XKR9: variants seen among roughly 807,000 people sequenced by gnomAD.
XKR9 encodes XK related 9.
A neutral mutation model predicts 32.0 loss-of-function variants in XKR9; 32 were observed. The observed-to-expected ratio is 1.00, with a 90% CI of 0.76 to 1.34. The LOEUF (loss-of-function observed/expected upper bound fraction) is 1.34. Ranked by LOEUF, XKR9 falls within the 40% of genes most tolerant of loss-of-function variation. The pLI is 0.00. For missense variants in XKR9, 546 were observed against 429.7 expected (o/e 1.27, Z -2.39); for synonymous variants, 168 against 143.4 (o/e 1.17, Z -1.22).
the XKR9 span, among the ~76,000 whole-genome samples, chr8:70,859,800 A>G: frequency 6.6e-6 from 1 of 152,116 alleles, no homozygotes; most frequent in Non-Finnish European, 1.5e-5. Context: ...TCATGGAGGT[A>G]GATAGTAGAA....
intron 2 of XKR9, among the ~76,000 whole-genome samples, chr8:70,764,464 G>T (rs1477544601): frequency 2.6e-5 from 4 of 152,088 alleles, no homozygotes; most frequent in Non-Finnish European, 5.9e-5. Flanking sequence ...AAGTGCACTG[G>T]CAAAGAAAAG....
chr8:71,002,624 A>C, the XKR9 span, among the ~76,000 whole-genome samples: 2 of 152,214 alleles, frequency 1.3e-5, no homozygotes, highest in Admixed American at 6.5e-5. Context: ...CAATAAAAAC[A>C]CACTTGCCTT....
At chr8:70,991,753 C>CA in the XKR9 span, among the ~76,000 whole-genome samples, 2 of 152,174 alleles carry the variant, frequency 1.3e-5, no homozygotes, top group African/African-American at 4.8e-5. Flanking sequence ...CTAGAAGACC[C>CA]TGCTATACAG....
At chr8:70,979,564 C>T in the XKR9 span, among the ~76,000 whole-genome samples, 78 of 152,298 alleles carry the variant, frequency 5.1e-4, no homozygotes, top group African/African-American at 1.7e-3. Flanking sequence ...GTATCTCCAG[C>T]GGAGGCTGTA....
the XKR9 span, among the ~76,000 whole-genome samples, chr8:71,015,079 T>G: frequency 6.6e-6 from 1 of 152,176 alleles, no homozygotes; most frequent in African/African-American, 2.4e-5. Flanking sequence ...TGGAAAAGCA[T>G]GAAAACTTGC....
the XKR9 span, among the ~76,000 whole-genome samples, chr8:70,898,009 C>T: frequency 6.6e-6 from 1 of 152,104 alleles, no homozygotes; most frequent in Non-Finnish European, 1.5e-5. Context: ...TGAAGCTTTT[C>T]CCCAATGTTT....
chr8:70,848,153 A>G, the XKR9 span, among the ~76,000 whole-genome samples: 1 of 152,138 alleles, frequency 6.6e-6, no homozygotes, highest in African/African-American at 2.4e-5. Flanking sequence ...GGATGCAAGG[A>G]TGGTTCAACA....
chr8:70,724,965 C>T (rs1443432929), intron 4 of XKR9, among the ~76,000 whole-genome samples: 1 of 152,176 alleles, frequency 6.6e-6, no homozygotes, highest in East Asian at 1.9e-4. Context: ...TTAATCGACT[C>T]ACAGTTCTGC....
the XKR9 span, among the ~76,000 whole-genome samples, chr8:70,940,256 C>A: frequency 6.6e-6 from 1 of 152,034 alleles, no homozygotes; most frequent in East Asian, 1.9e-4. Flanking sequence ...TGTATGTTGC[C>A]ACCGACAGGG....
the XKR9 span, among the ~76,000 whole-genome samples, chr8:70,808,677 A>C: frequency 6.6e-6 from 1 of 152,192 alleles, no homozygotes; most frequent in African/African-American, 2.4e-5. Context: ...AGGGTCCTAC[A>C]CCCACGGAGC....
chr8:70,742,732 G>C (rs1352732219), intron 2 of XKR9, among the ~76,000 whole-genome samples: 2 of 151,772 alleles, frequency 1.3e-5, no homozygotes, highest in Non-Finnish European at 2.9e-5. Flanking sequence ...CTCCACTATT[G>C]TCTGGTCTCC....
the XKR9 span, among the ~76,000 whole-genome samples, chr8:70,914,085 G>A: frequency 6.6e-6 from 1 of 152,160 alleles, no homozygotes; most frequent in East Asian, 1.9e-4. Flanking sequence ...TGTTTTTAAA[G>A]ATAGAGTCTC....
chr8:70,915,516 T>A, the XKR9 span, among the ~76,000 whole-genome samples: 1 of 152,162 alleles, frequency 6.6e-6, no homozygotes, highest in Non-Finnish European at 1.5e-5. Context: ...ATTGTCATGA[T>A]TTTTCTATGT....
At chr8:70,676,112 G>A (rs190699100) in intron 2 of XKR9, among the ~76,000 whole-genome samples, 19 of 152,296 alleles carry the variant, frequency 1.2e-4, no homozygotes, top group African/African-American at 4.1e-4. Flanking sequence ...GAGGCCTCAG[G>A]AAGCTTACAA....
chr8:70,990,760 A>AGG, the XKR9 span, among the ~76,000 whole-genome samples: 24 of 151,734 alleles, frequency 1.6e-4, no homozygotes, highest in African/African-American at 5.6e-4. Flanking sequence ...AGAGAGAGAG[A>AGG]GAGAGAGAAA....
the XKR9 span, among the ~76,000 whole-genome samples, chr8:70,803,962 G>A: frequency 7.9e-5 from 12 of 152,322 alleles, no homozygotes; most frequent in East Asian, 2.3e-3. Context: ...GATAGGTGGG[G>A]TGATTCCCAC....
the XKR9 span, among the ~76,000 whole-genome samples, chr8:70,885,012 A>C: frequency 2.0e-5 from 3 of 152,322 alleles, no homozygotes; most frequent in African/African-American, 7.2e-5. Flanking sequence ...ATGAACATGG[A>C]ATAACTCTCC....
At chr8:70,872,860 A>G in the XKR9 span, among the ~76,000 whole-genome samples, 577 of 152,248 alleles carry the variant, frequency 3.8e-3, 17 homozygotes, top group Admixed American at 0.029. Flanking sequence ...GGGTTTCTCC[A>G]TGTTGGACAG....
At chr8:71,039,027 C>T in the XKR9 span, among the ~76,000 whole-genome samples, 1 of 151,942 alleles carries the variant, frequency 6.6e-6, no homozygotes, top group Non-Finnish European at 1.5e-5. Flanking sequence ...TGGCCTTGAA[C>T]TCCTGACCTC....
Sources: allele counts gnomAD v4.1 joint callset (sites outside exome capture counted in the v4.1 genomes callset), GRCh38; gene constraint gnomAD v4.1.1; transcripts MANE v1.5; gene names NCBI Gene and HGNC (gene_info 2026-07-23, HGNC 2026-07-21).